The following MPDU1 variants were observed in gnomAD, a reference collection of about 807,000 sequenced individuals.
MPDU1 encodes mannose-P-dolichol utilization defect 1 protein.
MPDU1 carries 18 observed loss-of-function variants against 27.6 expected under a neutral mutation model. The ratio of observed to expected loss-of-function variants is 0.65; its 90% CI spans 0.45 to 0.97. The LOEUF (loss-of-function observed/expected upper bound fraction) is 0.97. MPDU1 is among the 50% of genes least tolerant of loss of function. MPDU1 has a pLI of 0.00. For missense variants in MPDU1, 279 were observed against 297.4 expected (o/e 0.94, Z 0.46); for synonymous variants, 142 against 131.1 (o/e 1.08, Z -0.57).
chr17:7,583,745 G>C (rs750892681), upstream of MPDU1: 3 of 1,037,348 alleles, frequency 2.9e-6, no homozygotes, highest in Non-Finnish European at 4.5e-6. Context: ...AAAGAGCGGG[G>C]CACGGGGCGG....
At position 7,587,213 on chromosome 17, in the gene MPDU1, C is replaced by T. The variant is rs139686892; in HGVS notation, c.560C>T (p.Ala187Val). Residue 187 changes from alanine to valine, a missense_variant, in exon 6 of 7, where the codon GCC (alanine) becomes GTC (valine). Ala to Val is a moderately conservative substitution (Grantham distance 64). Coordinates refer to ENST00000250124, the MANE Select transcript of MPDU1 (RefSeq NM_004870.4). ...YHNGHTGQLS[A>V]ITVFLLFGGS... ...AACGGGCACACAGGCCAGCTCTCAG[C>T]CATCACAGTCTTCCTGCTGTTTGGG... 1,223 of 1,614,102 alleles carry T rather than the reference C, an allele frequency of 7.6e-4. No homozygotes were observed. Among genetic ancestry groups the T allele is most frequent in the Non-Finnish European group, 9.8e-4 (1,153 of 1,180,022 alleles).
At position 7,588,068 on chromosome 17, in the gene MPDU1, G is replaced by C. The variant is rs932303177; in HGVS notation, c.*517G>C. On this transcript the variant is annotated 3_prime_UTR_variant, in exon 7 of 7. Transcript: ENST00000250124. ...AATGACTCAGGCAGGGCCCCAGGGT[G>C]GGGTGAGGAGGTTCCTGCTCTGGCA... 2 of 547,182 alleles carry C rather than the reference G, an allele frequency of 3.7e-6. No homozygotes were observed. The highest frequency in any genetic ancestry group is 7.0e-6 in the Non-Finnish European group (2 of 287,550). The allele number at this position is 547,182 out of a possible 1,614,324, so 33.9% of individuals were successfully genotyped here.
At chr17:7,587,100 A>G (rs2071597470) in intron 5 of MPDU1, 61 bp from the exon 6 acceptor site, 1 of 1,385,970 alleles carries the variant, frequency 7.2e-7, no homozygotes, top group South Asian at 1.2e-5. Flanking sequence ...GGGGTGTTGT[A>G]CTTGGGGGAG....
In MPDU1 at chr17:7,583,864, T is replaced by TGGCGGCCGA; in HGVS notation, c.8_16dup (p.Ala3_Ala5dup). 6.2e-7 allele frequency: 1 copy of TGGCGGCCGA among 1,614,064 alleles called. No homozygotes were observed. The highest frequency in any genetic ancestry group is 8.5e-7 in the Non-Finnish European group (1 of 1,180,038). On this transcript the variant is annotated inframe_insertion, in exon 1 of 7. Transcript: ENST00000250124. ...ACTGGCGGAAGCTAGCTTTGCAATATGGCGGCCGAGGCGGACGGACCGCTT... is the reference window on the plus strand; with the variant it reads ...ACTGGCGGAAGCTAGCTTTGCAATATGGCGGCCGAGGCGGCCGAGGCGGACGGACCGCTT...
intron 1 of MPDU1, among the ~76,000 whole-genome samples, chr17:7,584,758 G>A (rs960682897): frequency 6.6e-6 from 1 of 152,202 alleles, no homozygotes; most frequent in African/African-American, 2.4e-5. Flanking sequence ...TTGGGAGGCC[G>A]AAGCGGGTGG....
At chr17:7,583,986 G>T (rs1383966768) in intron 1 of MPDU1, 21 bp downstream of exon 1, 1 of 1,609,138 alleles carries the variant, frequency 6.2e-7, no homozygotes, top group Non-Finnish European at 8.5e-7. Flanking sequence ...TTCAGCATCC[G>T]ATCCAAGTCC....
chr17:7,586,053 A>G lies in MPDU1; in HGVS notation c.277A>G (p.Ser93Gly). The G allele has an allele frequency of 8.1e-6, 13 of 1,613,932 alleles. No individual in the cohort carries two copies. Among genetic ancestry groups the G allele is most frequent in the Non-Finnish European group, 1.1e-5 (13 of 1,180,034 alleles). ...LVALTGTMVY[S>G]ITNNFPFSSW... ...GGCATTGACTGGGACCATGGTCTACAGCATCACTAACAACTTCCCATTCAG... is the reference window on the plus strand; with the variant it reads ...GGCATTGACTGGGACCATGGTCTACGGCATCACTAACAACTTCCCATTCAG... The change falls in exon 3 of 7, where the codon AGC (serine) becomes GGC (glycine). Residue 93 changes from serine (S) to glycine (G), a missense_variant. By Grantham distance (56) the Ser-to-Gly change is moderately conservative. Transcript: ENST00000250124.
chr17:7,587,541 A>T lies in MPDU1; in HGVS notation c.734A>T (p.Lys245Met). The T allele has an allele frequency of 6.2e-7, 1 of 1,613,264 alleles. No homozygotes were observed. Among genetic ancestry groups the T allele is most frequent in the Non-Finnish European group, 8.5e-7 (1 of 1,179,814 alleles). The change falls in exon 7 of 7, where the codon AAG becomes ATG. Residue 245 changes from lysine (K) to methionine (M), a missense_variant. By Grantham distance (95) the Lys-to-Met change is moderately conservative. Coordinates refer to ENST00000250124, the MANE Select transcript of MPDU1 (RefSeq NM_004870.4). ...GCAAAGCCTCCCCACAAGCAGAAAA[A>T]GGCGCAGTAGAGCCAGCTACTGGAG... ...WNAKPPHKQK[K>M]AQ
At chr17:7,585,163 A>T (rs1029927777) in intron 1 of MPDU1, among the ~76,000 whole-genome samples, 2 of 152,096 alleles carry the variant, frequency 1.3e-5, no homozygotes, top group African/African-American at 4.8e-5. Context: ...AGGTCAAGCC[A>T]AGTTTGGGTG....
intron 4 of MPDU1, 49 bp downstream of exon 4, chr17:7,586,826 G>C (rs1324914555): frequency 1.2e-6 from 2 of 1,610,400 alleles, no homozygotes; most frequent in Admixed American, 3.3e-5. Context: ...TGGGAACCCT[G>C]CTGGGAACTC....
chr17:7,584,288 A>G, intron 1 of MPDU1: 2 of 572,758 alleles, frequency 3.5e-6, no homozygotes, highest in Non-Finnish European at 6.2e-6. Flanking sequence ...TAGCAGGGTT[A>G]AACTTAATTC....
intron 3 of MPDU1, chr17:7,586,453 A>T: frequency 3.6e-6 from 2 of 553,724 alleles, no homozygotes; most frequent in East Asian, 3.2e-5. Flanking sequence ...AAAAAAAAAA[A>T]GGGACAAGGG....
chr17:7,587,348 G>T, intron 6 of MPDU1, 77 bp downstream of exon 6: 1 of 1,613,034 alleles, frequency 6.2e-7, no homozygotes, highest in Non-Finnish European at 8.5e-7. Context: ...AAGCTGCCCC[G>T]TGAGGAACCT....
At chr17:7,586,531 G>T in intron 3 of MPDU1, 161 bp from the exon 4 acceptor site, 1 of 717,672 alleles carries the variant, frequency 1.4e-6, no homozygotes, top group South Asian at 1.5e-5. Flanking sequence ...GAGAAGGGGT[G>T]AGCATCCCGA....
chr17:7,584,062 CGCCATGCCGAGCTGGACGGAA>C, intron 1 of MPDU1, 97 bp downstream of exon 1: 1 of 1,235,154 alleles, frequency 8.1e-7, no homozygotes, highest in Non-Finnish European at 1.2e-6. Flanking sequence ...CAGTGACTGC[CGCCATGCCGAGCTGGACGGAA>C]GTCACTTCTG....
chr17:7,585,754 C>T lies in MPDU1; in HGVS notation c.126C>T (p.Leu42=), dbSNP rs1482533328. ...LLHVPCLKIL[L]SKGLGLGIVA... ...CAGTCCCCTGCCTCAAGATTCTCCT[C>T]AGCAAAGGCCTGGGGCTGGGCATTG... is the stretch of plus-strand genomic sequence containing the variant. Residue 42 remains leucine (L), a synonymous_variant, in exon 2 of 7, where the codon CTC becomes CTT. Transcript: ENST00000250124. The T allele has an allele frequency of 6.2e-7, 1 of 1,614,172 alleles. No individual in the cohort carries two copies. Among genetic ancestry groups the T allele is most frequent in the South Asian group, 1.1e-5 (1 of 91,082 alleles).
rs16956808 is a variant in MPDU1 at position 7,587,480 on chromosome 17, G to A, written c.673G>A (p.Gly225Ser). The A allele has an allele frequency of 5.7e-3, 9,219 of 1,613,490 alleles. 431 individuals carry two copies. The African/African-American group carries it at 0.11, about 19-fold the overall frequency. Residue 225 changes from glycine (G) to serine (S), a missense_variant, in exon 7 of 7, where the codon GGC becomes AGC. Coordinates refer to ENST00000250124, the MANE Select transcript of MPDU1 (RefSeq NM_004870.4). ...GTFVVSSLCN[G>S]LIAAQLLFYW... is the part of the protein sequence containing the mutation. ...CTTTGTGGTCTCCTCTCTCTGCAACGGCCTCATCGCCGCCCAGCTGCTCTT... is the reference window on the plus strand; with the variant it reads ...CTTTGTGGTCTCCTCTCTCTGCAACAGCCTCATCGCCGCCCAGCTGCTCTT...
intron 1 of MPDU1, among the ~76,000 whole-genome samples, chr17:7,585,518 C>T (rs556117498): frequency 4.2e-5 from 6 of 143,398 alleles, no homozygotes; most frequent in Non-Finnish European, 6.2e-5. Flanking sequence ...GCCTGGGTGA[C>T]AGAGCAAGAC....
chr17:7,586,264 A>AC (rs2071580974), intron 3 of MPDU1, 186 bp downstream of exon 3: 1 of 675,420 alleles, frequency 1.5e-6, no homozygotes, highest in African/African-American at 1.8e-5. Flanking sequence ...ACATGGTGAA[A>AC]CCCCGTCTCT....
Sources: allele counts gnomAD v4.1 joint callset (sites outside exome capture counted in the v4.1 genomes callset), GRCh38; gene constraint gnomAD v4.1.1; transcripts MANE v1.5; gene names NCBI Gene and HGNC (gene_info 2026-07-23, HGNC 2026-07-21).